RPRD2: variants seen among roughly 807,000 people sequenced by gnomAD.
RPRD2 encodes regulation of nuclear pre-mRNA domain-containing protein 2.
A neutral mutation model predicts 104.4 loss-of-function variants in RPRD2; 12 were observed. The ratio of observed to expected loss-of-function variants is 0.11; its 90% CI spans 0.07 to 0.19. The LOEUF (loss-of-function observed/expected upper bound fraction) is 0.19. Among genes scored for constraint, RPRD2 ranks in the 10% least tolerant of loss-of-function variants. RPRD2 has a pLI of 1.00. For synonymous variants in RPRD2, 714 were observed against 684.9 expected (o/e 1.04, Z -0.66); for missense variants, 1,543 against 1,790.1 (o/e 0.86, Z 2.49).
intron 1 of RPRD2, among the ~76,000 whole-genome samples, chr1:150,381,300 C>T (rs1661113445): frequency 6.6e-6 from 1 of 151,444 alleles, no homozygotes; most frequent in Non-Finnish European, 1.5e-5. Context: ...CGCGTACCTG[C>T]AGTCCTAGCT....
chr1:150,392,083 C>T (rs1662118341), intron 1 of RPRD2, among the ~76,000 whole-genome samples: 1 of 150,478 alleles, frequency 6.6e-6, no homozygotes, highest in Non-Finnish European at 1.5e-5. Flanking sequence ...ACCTGTAGTC[C>T]CAGCTACTCG....
At chr1:150,398,386 C>T (rs587740118) in intron 1 of RPRD2, among the ~76,000 whole-genome samples, 23 of 151,746 alleles carry the variant, frequency 1.5e-4, no homozygotes, top group Admixed American at 2.0e-4. Context: ...TTAGTAGAGA[C>T]GGGGTTTCAC....
intron 6 of RPRD2, among the ~76,000 whole-genome samples, chr1:150,445,557 G>A (rs1192887776): frequency 3.3e-5 from 5 of 152,172 alleles, no homozygotes; most frequent in African/African-American, 9.7e-5. Flanking sequence ...TGGTATAAGC[G>A]AATACAGTTG....
chr1:150,470,084 T>C (rs1480462948), intron 10 of RPRD2, among the ~76,000 whole-genome samples: 1 of 152,008 alleles, frequency 6.6e-6, no homozygotes, highest in African/African-American at 2.4e-5. Flanking sequence ...TATTAACTTA[T>C]TAGAGATAAT....
chr1:150,436,945 C>T (rs1163811731), intron 2 of RPRD2, among the ~76,000 whole-genome samples: 14 of 152,170 alleles, frequency 9.2e-5, no homozygotes, highest in Non-Finnish European at 1.0e-4. Flanking sequence ...GTGGCACACG[C>T]CTGTTATCCC....
At chr1:150,451,546 G>A (rs1553896564) in intron 7 of RPRD2, among the ~76,000 whole-genome samples, 2 of 151,814 alleles carry the variant, frequency 1.3e-5, no homozygotes, top group African/African-American at 4.8e-5. Context: ...GCAGTGGCAG[G>A]CACCTGTAGT....
chr1:150,442,878 C>A (rs782150065), intron 4 of RPRD2, among the ~76,000 whole-genome samples: 24 of 151,860 alleles, frequency 1.6e-4, no homozygotes, highest in Admixed American at 3.9e-4. Flanking sequence ...AATTGGATGT[C>A]CTGTTCCTGA....
At chr1:150,466,071 G>A (rs979890160) in intron 10 of RPRD2, among the ~76,000 whole-genome samples, 1 of 145,614 alleles carries the variant, frequency 6.9e-6, no homozygotes, top group African/African-American at 2.6e-5. Flanking sequence ...GTGAAACCCT[G>A]TCTCTACAAC....
At chr1:150,409,580 T>G (rs1263761692) in intron 1 of RPRD2, among the ~76,000 whole-genome samples, 1 of 151,932 alleles carries the variant, frequency 6.6e-6, no homozygotes, top group Non-Finnish European at 1.5e-5. Context: ...ATTGGAAAAT[T>G]ATGTGTTATT....
intron 7 of RPRD2, among the ~76,000 whole-genome samples, chr1:150,451,037 G>A (rs587687455): frequency 1.3e-5 from 2 of 152,168 alleles, no homozygotes; most frequent in Admixed American, 6.5e-5. Context: ...AGTTGCATTC[G>A]GTTGTCATCT....
intron 1 of RPRD2, among the ~76,000 whole-genome samples, chr1:150,389,023 A>G (rs587733424): frequency 6.6e-6 from 1 of 151,434 alleles, no homozygotes; most frequent in African/African-American, 2.4e-5. Flanking sequence ...AGATTTTGAC[A>G]GTTTTGTTTT....
In RPRD2 at chr1:150,364,610, C is replaced by T. The variant is rs1553876803; in HGVS notation, c.-105C>T. ...CCATCCCCACCCCCTAGCTTCCCTC[C>T]CCACCTACGGCTTTCACGCACTCGC... On this transcript the variant is annotated 5_prime_UTR_variant, in exon 1 of 11. Coordinates refer to ENST00000369068, the MANE Select transcript of RPRD2 (RefSeq NM_015203.5). 3 of 638,336 alleles carry T rather than the reference C, an allele frequency of 4.7e-6. No homozygotes were observed. The African/African-American group carries it at 5.5e-5, about 12-fold the overall frequency. The allele number at this position is 638,336 out of a possible 1,614,324, so 39.5% of individuals were successfully genotyped here. A position where few individuals can be genotyped will look rare whatever the true frequency, so the allele number is the denominator to read the frequency against.
intron 1 of RPRD2, among the ~76,000 whole-genome samples, chr1:150,383,957 C>T (rs1553881294): frequency 6.6e-6 from 1 of 152,114 alleles, no homozygotes; most frequent in East Asian, 1.9e-4. Context: ...GTACTTTGTG[C>T]AACAGAATTT....
chr1:150,413,437 C>T (rs1268778317), intron 1 of RPRD2, among the ~76,000 whole-genome samples: 1 of 151,964 alleles, frequency 6.6e-6, no homozygotes, highest in Admixed American at 6.6e-5. Flanking sequence ...CCCATCTCTA[C>T]TAAAAATACA....
At chr1:150,379,050 G>A (rs953980006) in intron 1 of RPRD2, among the ~76,000 whole-genome samples, 2 of 146,658 alleles carry the variant, frequency 1.4e-5, no homozygotes, top group Admixed American at 1.4e-4. Flanking sequence ...TGGGAGGCCC[G>A]AGCAGACAGA....
At chr1:150,403,261 G>A (rs1166559813) in intron 1 of RPRD2, among the ~76,000 whole-genome samples, 1 of 151,948 alleles carries the variant, frequency 6.6e-6, no homozygotes, top group Non-Finnish European at 1.5e-5. Context: ...TTAAACTGTG[G>A]TAAAGTACAC....
intron 1 of RPRD2, among the ~76,000 whole-genome samples, chr1:150,399,856 C>G (rs1370254093): frequency 6.6e-6 from 1 of 151,674 alleles, no homozygotes; most frequent in East Asian, 1.9e-4. Context: ...ACAAAATTTT[C>G]AAAACTATGT....
rs117737751 is a variant in RPRD2 at position 150,414,266 on chromosome 1, C to T, written c.206-3330C>T. Among the ~76,000 whole-genome samples, 27 of 152,218 alleles carry T rather than the reference C, an allele frequency of 1.8e-4. No homozygotes were observed. The East Asian group carries it at 4.8e-3, about 27-fold the overall frequency. ...AGCATTCCATTTGCTGTGTATTAAG[C>T]CCTATCTTAATTGTTTTACATACAT... On this transcript the variant is annotated intron_variant, in intron 1 of 10. Coordinates refer to ENST00000369068, the MANE Select transcript of RPRD2 (RefSeq NM_015203.5).
intron 2 of RPRD2, among the ~76,000 whole-genome samples, chr1:150,424,029 T>C (rs1664945188): frequency 1.3e-5 from 2 of 151,870 alleles, no homozygotes; most frequent in South Asian, 2.1e-4. Context: ...TGACCTCAGG[T>C]GATCCACCCG....
Sources: gnomAD v4.1 joint callset for allele counts (sites outside exome capture counted in the v4.1 genomes callset) on GRCh38, gnomAD v4.1.1 for gene constraint, MANE v1.5 for transcripts, NCBI Gene and HGNC (gene_info 2026-07-23, HGNC 2026-07-21) for gene names.